Variants in DPY19L2 observed in about 807,000 individuals in gnomAD.
The protein encoded by DPY19L2 is probable C-mannosyltransferase DPY19L2.
DPY19L2 carries 34 observed loss-of-function variants against 97.9 expected under a neutral mutation model. That is an observed-to-expected ratio of 0.35 (90% CI 0.26 to 0.46). The LOEUF (loss-of-function observed/expected upper bound fraction) is 0.46. Ranked by LOEUF, DPY19L2 falls within the 20% of genes least tolerant of loss-of-function variation. The probability of loss-of-function intolerance (pLI) is 1.00; values close to 1 mark genes in which losing one functional copy is unlikely to be tolerated. For missense variants in DPY19L2, 623 were observed against 911.4 expected (o/e 0.68, Z 4.07); for synonymous variants, 230 against 307.9 (o/e 0.75, Z 2.65).
chr12:63,657,025 G>C (rs1227987693), intron 4 of DPY19L2, among the ~76,000 whole-genome samples: 2 of 152,128 alleles, frequency 1.3e-5, no homozygotes, highest in African/African-American at 2.4e-5. Flanking sequence ...TCTGCCTGAT[G>C]ACTGCTCTGT....
chr12:63,650,064 A>G lies in DPY19L2; in HGVS notation c.589-2699T>C, dbSNP rs186517758. Among the ~76,000 whole-genome samples the G allele has an allele frequency of 2.1e-3, 326 of 152,198 alleles. 2 individuals are homozygous for G. The highest frequency in any genetic ancestry group is 6.5e-3 in the African/African-American group (271 of 41,526). On this transcript the variant is annotated intron_variant, in intron 4 of 21. Transcript: ENST00000324472. ...TTGATCACATAAAAGAACTAAAAAA[A>G]ACCCCACATGATTATCTAAATAGAT... is the stretch of plus-strand genomic sequence containing the variant.
At chr12:63,620,097 T>C in intron 9 of DPY19L2, 1 of 369,322 alleles carries the variant, frequency 2.7e-6, no homozygotes, top group Non-Finnish European at 5.3e-6. Context: ...ATATTATTAT[T>C]ATCATCAGCA....
chr12:63,644,981 A>T (rs373142953), intron 5 of DPY19L2, among the ~76,000 whole-genome samples: 6 of 152,122 alleles, frequency 3.9e-5, no homozygotes, highest in African/African-American at 1.2e-4. Flanking sequence ...GAGTTAAGAT[A>T]TGGTTTTGAC....
At chr12:63,646,376 T>C (rs1226259034) in intron 5 of DPY19L2, among the ~76,000 whole-genome samples, 2 of 152,080 alleles carry the variant, frequency 1.3e-5, no homozygotes, top group African/African-American at 2.4e-5. Flanking sequence ...TCCTTTACAT[T>C]GTACACAAAA....
intron 19 of DPY19L2, among the ~76,000 whole-genome samples, chr12:63,580,360 ATG>A (rs573447752): frequency 2.4e-4 from 36 of 152,264 alleles, no homozygotes; most frequent in African/African-American, 8.4e-4. Context: ...AAATGCTATA[ATG>A]CTGTCTGAGA....
At chr12:63,612,638 C>A in intron 11 of DPY19L2, among the ~76,000 whole-genome samples, 1 of 142,468 alleles carries the variant, frequency 7.0e-6, no homozygotes, top group African/African-American at 2.6e-5. Flanking sequence ...AAAAGGAGAG[C>A]AAAACCCAAA....
At chr12:63,589,209 C>T (rs11175055) in intron 16 of DPY19L2, among the ~76,000 whole-genome samples, 28,913 of 151,194 alleles carry the variant, frequency 0.19, 4,075 homozygotes, top group African/African-American at 0.41. Context: ...AGTTCTAGCA[C>T]GACAAGAAAG....
intron 13 of DPY19L2, among the ~76,000 whole-genome samples, chr12:63,598,396 A>AT (rs1884605915): frequency 6.6e-6 from 1 of 152,192 alleles, no homozygotes; most frequent in East Asian, 1.9e-4. Context: ...ACCATTGAAT[A>AT]TGAGACCTGA....
At chr12:63,605,480 T>C (rs1036213303) in intron 12 of DPY19L2, among the ~76,000 whole-genome samples, 1 of 152,184 alleles carries the variant, frequency 6.6e-6, no homozygotes, top group Admixed American at 6.5e-5. Context: ...TTCTATAGCA[T>C]TAGGCTGGGA....
intron 6 of DPY19L2, among the ~76,000 whole-genome samples, chr12:63,636,413 A>C (rs2138024872): frequency 6.6e-6 from 1 of 152,298 alleles, no homozygotes; most frequent in South Asian, 2.1e-4. Flanking sequence ...ACAGGATCAA[A>C]TTCACATAAA....
intron 6 of DPY19L2, among the ~76,000 whole-genome samples, chr12:63,638,115 T>C (rs1212644543): frequency 2.0e-5 from 3 of 152,132 alleles, no homozygotes; most frequent in African/African-American, 7.2e-5. Flanking sequence ...AACCACATGA[T>C]TATCTCAATA....
At chr12:63,650,922 C>A (rs1354489899) in intron 4 of DPY19L2, among the ~76,000 whole-genome samples, 1 of 151,760 alleles carries the variant, frequency 6.6e-6, no homozygotes, top group Non-Finnish European at 1.5e-5. Context: ...ACATATGAAA[C>A]CAAAAAATAG....
intron 6 of DPY19L2, among the ~76,000 whole-genome samples, chr12:63,634,034 A>AT (rs1253027659): frequency 1.6e-4 from 24 of 150,092 alleles, no homozygotes; most frequent in African/African-American, 5.6e-4. Context: ...GGACACAGGA[A>AT]GGGGAACATC....
intron 6 of DPY19L2, among the ~76,000 whole-genome samples, chr12:63,632,502 T>C (rs548854032): frequency 9.9e-5 from 15 of 152,188 alleles, no homozygotes; most frequent in African/African-American, 3.6e-4. Context: ...GGAATCCAAC[T>C]TACAAGGGAT....
intron 11 of DPY19L2, among the ~76,000 whole-genome samples, chr12:63,614,237 G>T (rs1308703223): frequency 6.7e-6 from 1 of 148,792 alleles, no homozygotes; most frequent in African/African-American, 2.5e-5. Context: ...AAAAATAAAA[G>T]AGACAAGAAT....
chr12:63,664,502 T>G (rs1333054490), intron 2 of DPY19L2, among the ~76,000 whole-genome samples: 2 of 152,080 alleles, frequency 1.3e-5, no homozygotes, highest in Non-Finnish European at 2.9e-5. Context: ...GGGAAATACC[T>G]CCATAACTGT....
intron 12 of DPY19L2, among the ~76,000 whole-genome samples, chr12:63,603,267 ATAGTC>A (rs1885480628): frequency 1.3e-5 from 2 of 152,188 alleles, no homozygotes; most frequent in South Asian, 4.1e-4. Context: ...CATGGGAAGA[ATAGTC>A]TATTATATCT....
chr12:63,668,298 C>T lies in DPY19L2; in HGVS notation c.96G>A (p.Glu32=). The change falls in exon 1 of 22, where the codon GAG becomes GAA. Residue 32 remains glutamate, a synonymous_variant. Transcript: ENST00000324472. ...RRGASLAREP[E]VEEEMEKSAL... is the part of the protein sequence containing the mutation. The stretch of plus-strand genomic sequence containing the variant: ...CCGACTTTTCCATCTCCTCCTCTAC[C>T]TCCGGCTCCCGGGCGAGGGAGGCCC... 2.5e-6 allele frequency: 4 copies of T among 1,613,974 alleles called. No homozygotes were observed. In the South Asian group the frequency reaches 3.3e-5, roughly 13 times the overall value.
Position 63,624,190 on chromosome 12 carries a change from A to G in DPY19L2, c.862-59T>C, listed in dbSNP as rs542329575. 1,100 of 1,292,906 alleles carry G rather than the reference A, an allele frequency of 8.5e-4. 6 individuals are homozygous for G. The highest frequency in any genetic ancestry group is 1.1e-3 in the Non-Finnish European group (959 of 898,702). 80.1% of individuals were successfully genotyped at this position (1,292,906 alleles called of 1,614,324 possible). On this transcript the variant is annotated intron_variant, in intron 7 of 21. Transcript: ENST00000324472. ...TTTACTACAACAAACATATTAAAAAACCAGGGGTGAGTTTGTTTTAGTAAT... is the reference window on the plus strand; with the variant it reads ...TTTACTACAACAAACATATTAAAAAGCCAGGGGTGAGTTTGTTTTAGTAAT...
Sources: allele counts gnomAD v4.1 joint callset (sites outside exome capture counted in the v4.1 genomes callset), GRCh38; gene constraint gnomAD v4.1.1; transcripts MANE v1.5; gene names NCBI Gene and HGNC (gene_info 2026-07-23, HGNC 2026-07-21).